Variants in YJU2 observed in about 807,000 individuals in gnomAD.
The protein encoded by YJU2 is splicing factor YJU2.
In YJU2, 28 loss-of-function variants were observed where a neutral mutation model predicts 39.6. That is an observed-to-expected ratio of 0.71 (90% CI 0.52 to 0.97). The LOEUF (loss-of-function observed/expected upper bound fraction) is 0.97, where lower values mean the gene tolerates loss of function less well. Ranked by LOEUF, YJU2 falls within the 50% of genes least tolerant of loss-of-function variation. The pLI, the probability that YJU2 is intolerant of heterozygous loss-of-function variation, is 0.00. For synonymous variants in YJU2, 184 were observed against 182.4 expected (o/e 1.01, Z -0.07); for missense variants, 328 against 430.4 (o/e 0.76, Z 2.11).
chr19:4,250,491 T>G (rs1244966462), intron 2 of YJU2, among the ~76,000 whole-genome samples: 1 of 151,714 alleles, frequency 6.6e-6, no homozygotes, highest in Non-Finnish European at 1.5e-5. Flanking sequence ...GGGCTATAGG[T>G]AGCTGGGGTA....
chr19:4,256,176 AAAAAAATAT>A (rs1179801147), intron 4 of YJU2, among the ~76,000 whole-genome samples: 2 of 95,236 alleles, frequency 2.1e-5, no homozygotes, highest in African/African-American at 1.2e-4. Flanking sequence ...TCGCAAAAAA[AAAAAAATAT>A]ATATATATAT....
At chr19:4,266,233 A>T (rs1568364408) in intron 6 of YJU2, among the ~76,000 whole-genome samples, 1 of 152,108 alleles carries the variant, frequency 6.6e-6, no homozygotes, top group Non-Finnish European at 1.5e-5. Flanking sequence ...TAGAAGCATG[A>T]GCCACTGCGC....
intron 4 of YJU2, among the ~76,000 whole-genome samples, chr19:4,254,839 C>T (rs1230842608): frequency 1.3e-5 from 2 of 151,834 alleles, no homozygotes; most frequent in Non-Finnish European, 1.5e-5. Context: ...GGGTGGGTCA[C>T]GAGGTCAGGA....
At chr19:4,257,599 A>G (rs1372752492) in intron 4 of YJU2, among the ~76,000 whole-genome samples, 2 of 152,084 alleles carry the variant, frequency 1.3e-5, no homozygotes, top group Non-Finnish European at 2.9e-5. Context: ...TCAGCCTCCC[A>G]AGTAGCTGGG....
chr19:4,264,648 G>A (rs889940911), intron 6 of YJU2, among the ~76,000 whole-genome samples: 11 of 151,914 alleles, frequency 7.2e-5, no homozygotes, highest in African/African-American at 2.7e-4. Context: ...CACCATGCCC[G>A]GCTAATTTTT....
rs1230577544 is a variant in YJU2, at chr19:4,266,967, CA to C, written c.709-650del. On this transcript the variant is annotated intron_variant, in intron 6 of 7. Coordinates refer to ENST00000262962, the MANE Select transcript of YJU2 (RefSeq NM_018074.6). ...GGGCAATAGAGTGAGACCTTCCCCCCAAAAAAATTTTTTTAATAATATAGAT... is the reference window on the plus strand; with the variant it reads ...GGGCAATAGAGTGAGACCTTCCCCCCAAAAAATTTTTTTAATAATATAGAT... 9.9e-5 allele frequency among the ~76,000 whole-genome samples: 15 copies of C among 152,194 alleles called. No homozygotes were observed. The East Asian group carries it at 2.7e-3, about 27-fold the overall frequency.
intron 6 of YJU2, among the ~76,000 whole-genome samples, chr19:4,262,459 A>C (rs1464513619): frequency 1.3e-5 from 2 of 151,942 alleles, no homozygotes; most frequent in African/African-American, 4.8e-5. Context: ...AGGCCTCCCA[A>C]AGTGCTGGGA....
chr19:4,260,153 A>C (rs1197059137), intron 5 of YJU2, among the ~76,000 whole-genome samples: 1 of 152,216 alleles, frequency 6.6e-6, no homozygotes, highest in Admixed American at 6.5e-5. Context: ...GGCCGGGCGC[A>C]GGGTCTCCTG....
Position 4,249,478 on chromosome 19 carries a change from C to T in YJU2, c.125+150C>T, listed in dbSNP as rs1419336190. ...GACATTGACCATTCCAACCCTCCTT[C>T]GCCTCACCACTTGGGATTAAGCTTT... is the stretch of plus-strand genomic sequence containing the variant. On this transcript the variant is annotated intron_variant, in intron 2 of 7. Transcript: ENST00000262962. The T allele has an allele frequency of 1.9e-5, 11 of 580,316 alleles. 1 individual carries two copies. The highest frequency in any genetic ancestry group is 8.7e-5 in the East Asian group (3 of 34,540). The allele number at this position is 580,316 out of a possible 1,614,324, so 35.9% of individuals were successfully genotyped here.
rs150828443 is a variant in YJU2, at chr19:4,247,183, C to A, written c.24+13C>A. ...AAAAGTATTAAACGTAAGTGTTGGG[C>A]GACTGGGGCTTTTCAATCGGAGCAG... On this transcript the variant is annotated intron_variant, in intron 1 of 7. Coordinates refer to ENST00000262962, the MANE Select transcript of YJU2 (RefSeq NM_018074.6). 6.2e-7 allele frequency: 1 copy of A among 1,612,484 alleles called. No individual in the cohort carries two copies. The highest frequency in any genetic ancestry group is 1.7e-5 in the Admixed American group (1 of 59,890).
intron 7 of YJU2, 111 bp downstream of exon 7, chr19:4,267,885 C>T (rs1478349861): frequency 6.2e-6 from 6 of 967,244 alleles, no homozygotes; most frequent in South Asian, 3.3e-5. Flanking sequence ...GGGCGGCCTG[C>T]GACCCCCACA....
At position 4,258,386 on chromosome 19, in the gene YJU2, CG is replaced by C. The variant is rs1377661452; in HGVS notation, c.552del (p.Arg185GlyfsTer82). The C allele has an allele frequency of 6.3e-7, 1 of 1,597,428 alleles. No homozygotes were observed. The highest frequency in any genetic ancestry group is 1.3e-5 in the African/African-American group (1 of 74,938). On this transcript the variant is annotated frameshift_variant, in exon 5 of 8. Transcript: ENST00000262962. LOFTEE classifies it high-confidence loss of function. ...GCACCGCCTGTCGGAGGAGGAGCGGCGGAGGCAGCAGCAGGAGGAGGACGAG... is the reference window on the plus strand; with the variant it reads ...GCACCGCCTGTCGGAGGAGGAGCGGCGAGGCAGCAGCAGGAGGAGGACGAG... ...RQHRLSEEERRRQQQEEDEQE... is the reference protein window; with the variant it reads ...RQHRLSEEERXRQQQEEDEQE...
intron 4 of YJU2, among the ~76,000 whole-genome samples, chr19:4,255,022 C>G (rs1003704058): frequency 6.7e-6 from 1 of 148,634 alleles, no homozygotes; most frequent in Admixed American, 6.8e-5. Context: ...CGCCACTGCA[C>G]TCCAGCCTGG....
At chr19:4,252,600 T>C (rs1229219891) in intron 3 of YJU2, among the ~76,000 whole-genome samples, 4 of 151,712 alleles carry the variant, frequency 2.6e-5, no homozygotes, top group African/African-American at 7.3e-5. Flanking sequence ...CGAGACTCCG[T>C]CTCAAAAATA....
chr19:4,261,862 C>T, intron 5 of YJU2, 132 bp from the exon 6 acceptor site: 1 of 802,314 alleles, frequency 1.2e-6, no homozygotes, highest in East Asian at 2.6e-5. Context: ...TCCCCCTACT[C>T]CCTCCCACCC....
chr19:4,266,017 G>A (rs376505015), intron 6 of YJU2, among the ~76,000 whole-genome samples: 9 of 148,062 alleles, frequency 6.1e-5, no homozygotes, highest in African/African-American at 1.8e-4. Context: ...GCAGTGGCAC[G>A]ATCTCGGCTC....
intron 6 of YJU2, among the ~76,000 whole-genome samples, chr19:4,264,061 G>T (rs1366022586): frequency 6.6e-6 from 1 of 151,676 alleles, no homozygotes; most frequent in East Asian, 2.0e-4. Flanking sequence ...AGGAGATCGA[G>T]ATCATCCTAT....
chr19:4,258,565 C>T, intron 5 of YJU2, 142 bp downstream of exon 5: 2 of 1,337,804 alleles, frequency 1.5e-6, no homozygotes, highest in Non-Finnish European at 2.0e-6. Context: ...CACTTTCTCC[C>T]TTGTGGCGTC....
intron 6 of YJU2, among the ~76,000 whole-genome samples, chr19:4,266,576 G>C (rs1971116942): frequency 6.6e-6 from 1 of 152,134 alleles, no homozygotes; most frequent in African/African-American, 2.4e-5. Flanking sequence ...GTTATCCTGG[G>C]TATTGGTCTC....
Sources: gnomAD v4.1 joint callset for allele counts (sites outside exome capture counted in the v4.1 genomes callset) on GRCh38, gnomAD v4.1.1 for gene constraint, MANE v1.5 for transcripts, NCBI Gene and HGNC (gene_info 2026-07-23, HGNC 2026-07-21) for gene names.